The following GPHN variants were observed in gnomAD, a reference collection of about 807,000 sequenced individuals.
GPHN encodes gephyrin.
In GPHN, 17 loss-of-function variants were observed where a neutral mutation model predicts 95.5. That is an observed-to-expected ratio of 0.18 (90% CI 0.12 to 0.27). GPHN has a LOEUF of 0.27. Among genes scored for constraint, GPHN ranks in the 10% least tolerant of loss-of-function variants. The probability of loss-of-function intolerance (pLI) is 1.00; values close to 1 mark genes in which losing one functional copy is unlikely to be tolerated. For synonymous variants in GPHN, 320 were observed against 322.5 expected, an observed-to-expected ratio of 0.99 and a Z score of 0.08; for missense variants, 660 against 978.1, an observed-to-expected ratio of 0.67 and a Z score of 4.34.
At chr14:67,296,329 A>G in the GPHN span, among the ~76,000 whole-genome samples, 2 of 152,040 alleles carry the variant, frequency 1.3e-5, no homozygotes, top group South Asian at 2.1e-4. Flanking sequence ...CGCCGGATGC[A>G]GTGGCTCACG....
chr14:66,734,605 T>C (rs551559875), intron 2 of GPHN, among the ~76,000 whole-genome samples: 3 of 152,228 alleles, frequency 2.0e-5, no homozygotes, highest in Non-Finnish European at 4.4e-5. Flanking sequence ...ATTCCATTTA[T>C]CTTTGTTGTA....
chr14:66,532,740 T>G (rs978802101), intron 1 of GPHN, among the ~76,000 whole-genome samples: 6 of 152,164 alleles, frequency 3.9e-5, no homozygotes, highest in Admixed American at 3.9e-4. Context: ...GGGTTGAAGA[T>G]TCCCGAGGAC....
At chr14:67,718,511 C>T in the GPHN span, among the ~76,000 whole-genome samples, 11 of 152,322 alleles carry the variant, frequency 7.2e-5, no homozygotes, top group African/African-American at 2.6e-4. Flanking sequence ...CACATCCCTG[C>T]CTCAGTGTTA....
the GPHN span, among the ~76,000 whole-genome samples, chr14:67,657,598 GCACACACACACA>G: frequency 6.2e-5 from 7 of 112,372 alleles, no homozygotes; most frequent in Admixed American, 2.6e-4. Context: ...GCGCGCGCGT[GCACACACACACA>G]CACACACACA....
chr14:67,540,632 A>G, the GPHN span, among the ~76,000 whole-genome samples: 1 of 152,038 alleles, frequency 6.6e-6, no homozygotes. Context: ...CCTCAAAAAA[A>G]AAAAAAAAAT....
the GPHN span, among the ~76,000 whole-genome samples, chr14:67,625,276 G>A: frequency 8.5e-5 from 13 of 152,230 alleles, no homozygotes; most frequent in African/African-American, 2.2e-4. Context: ...GGATTTTTGC[G>A]ACCTTGGGTT....
chr14:67,062,259 C>T (rs534622142), intron 11 of GPHN, among the ~76,000 whole-genome samples: 2 of 152,284 alleles, frequency 1.3e-5, no homozygotes, highest in Admixed American at 1.3e-4. Flanking sequence ...TTGATTTCAG[C>T]TAGATGTACC....
At chr14:67,379,691 GTCGCC>G in the GPHN span, among the ~76,000 whole-genome samples, 1 of 106,110 alleles carries the variant, frequency 9.4e-6, no homozygotes, top group Non-Finnish European at 1.6e-5. Context: ...GTCTCGCTCT[GTCGCC>G]CAGGCTGGAG....
Position 67,128,086 on chromosome 14 carries a change from A to G in GPHN, c.1748+5709A>G, listed in dbSNP as rs915654498. Among the ~76,000 whole-genome samples the G allele has an allele frequency of 2.6e-5, 4 of 152,182 alleles. No homozygotes were observed. In the South Asian group the frequency reaches 6.2e-4, roughly 24 times the overall value. On this transcript the variant is annotated intron_variant, in intron 17 of 22. Coordinates refer to ENST00000478722, the MANE Select transcript of GPHN (RefSeq NM_020806.5). ...TTTTGCTATGCTCATTCCCCTAAAT[A>G]TAGGTCTCCCCGTGGCTTACCCTTG...
chr14:67,295,106 T>TGTGTGTGTGTGC, the GPHN span: 3 of 136,542 alleles, frequency 2.2e-5, no homozygotes, highest in Admixed American at 7.4e-5. Flanking sequence ...GATATTGAAG[T>TGTGTGTGTGTGC]GTGTGTGTGT....
intron 10 of GPHN, among the ~76,000 whole-genome samples, chr14:67,040,309 A>G (rs2074633778): frequency 6.6e-6 from 1 of 152,108 alleles, no homozygotes; most frequent in Non-Finnish European, 1.5e-5. Context: ...TAATATACAT[A>G]TTATCCCAAA....
the GPHN span, among the ~76,000 whole-genome samples, chr14:67,399,604 GTT>G: frequency 6.8e-6 from 1 of 148,088 alleles, no homozygotes; most frequent in African/African-American, 2.6e-5. Flanking sequence ...AGTTTAGGTG[GTT>G]CTCAGGTGGC....
chr14:67,507,670 A>G, the GPHN span, among the ~76,000 whole-genome samples: 1 of 152,188 alleles, frequency 6.6e-6, no homozygotes, highest in Non-Finnish European at 1.5e-5. Flanking sequence ...TGAACTGGCA[A>G]GTGATTCTCC....
At chr14:66,954,879 T>G (rs1409391158) in intron 8 of GPHN, among the ~76,000 whole-genome samples, 2 of 152,202 alleles carry the variant, frequency 1.3e-5, no homozygotes, top group East Asian at 3.8e-4. Context: ...TTGTGAAGTT[T>G]TTTTCCCCTT....
At chr14:67,392,745 CA>C in the GPHN span, 1 of 1,614,192 alleles carries the variant, frequency 6.2e-7, no homozygotes, top group Non-Finnish European at 8.5e-7. Context: ...CGGACACCCA[CA>C]GGCCTGAGGA....
chr14:67,725,232 C>A, the GPHN span: 24 of 1,613,470 alleles, frequency 1.5e-5, no homozygotes, highest in Non-Finnish European at 2.0e-5. Flanking sequence ...CTATCCGAGC[C>A]TTTGCTGAGG....
chr14:67,126,279 G>T (rs1189607969), intron 17 of GPHN, among the ~76,000 whole-genome samples: 1 of 152,120 alleles, frequency 6.6e-6, no homozygotes, highest in African/African-American at 2.4e-5. Context: ...ACTAGTTAGT[G>T]GCAGAGATAA....
intron 5 of GPHN, among the ~76,000 whole-genome samples, chr14:66,905,502 T>C (rs2065335428): frequency 6.6e-6 from 1 of 152,136 alleles, no homozygotes; most frequent in Non-Finnish European, 1.5e-5. Context: ...TATGTACATG[T>C]CTTTGCATTG....
chr14:67,089,115 A>ATTTTTTTTT (rs371624615), intron 12 of GPHN, 40 bp downstream of exon 12: 30 of 363,074 alleles, frequency 8.3e-5, no homozygotes, highest in African/African-American at 1.1e-4. Flanking sequence ...CAGGCACTGT[A>ATTTTTTTTT]TTTTTTTTTC....
Sources: allele counts gnomAD v4.1 joint callset (sites outside exome capture counted in the v4.1 genomes callset), GRCh38; gene constraint gnomAD v4.1.1; transcripts MANE v1.5; gene names NCBI Gene and HGNC (gene_info 2026-07-23, HGNC 2026-07-21).